HMOX2: variants seen among roughly 807,000 people sequenced by gnomAD.
HMOX2 encodes heme oxygenase 2.
In HMOX2, 30 loss-of-function variants were observed where a neutral mutation model predicts 33.7. The ratio of observed to expected loss-of-function variants is 0.89; its 90% CI spans 0.67 to 1.21. The LOEUF is 1.21. HMOX2 is among the 50% of genes most tolerant of loss of function. The pLI is 0.00. For synonymous variants in HMOX2, 155 were observed against 155.0 expected, an observed-to-expected ratio of 1.00 and a Z score of 0.00; for missense variants, 403 against 399.1, an observed-to-expected ratio of 1.01 and a Z score of -0.08.
chr16:4,484,988 C>T (rs563417865), intron 1 of HMOX2, among the ~76,000 whole-genome samples: 13 of 151,558 alleles, frequency 8.6e-5, no homozygotes, highest in Admixed American at 5.3e-4. Flanking sequence ...TTGATTGAGA[C>T]GGCATCTCAC....
chr16:4,482,022 C>T (rs1272065769), intron 1 of HMOX2: 1 of 152,192 alleles, frequency 6.6e-6, no homozygotes, highest in Admixed American at 6.6e-5. Context: ...AGACATTAAA[C>T]CTTTACTCTC....
intron 1 of HMOX2, among the ~76,000 whole-genome samples, chr16:4,492,680 C>G (rs1005295438): frequency 3.9e-5 from 6 of 151,960 alleles, no homozygotes; most frequent in Admixed American, 3.9e-4. Context: ...GATCACGCCA[C>G]TGCACTCCAG....
intron 1 of HMOX2, among the ~76,000 whole-genome samples, chr16:4,501,129 CT>C (rs1404581964): frequency 9.2e-5 from 14 of 152,090 alleles, no homozygotes; most frequent in Non-Finnish European, 1.2e-4. Context: ...CTCTCGGTTT[CT>C]TTTTTCCCTT....
chr16:4,482,907 G>A (rs370428513), intron 1 of HMOX2, among the ~76,000 whole-genome samples: 1 of 152,058 alleles, frequency 6.6e-6, no homozygotes, highest in African/African-American at 2.4e-5. Context: ...GTGCATGCCT[G>A]TAGTCCCAGC....
In HMOX2 at chr16:4,509,535, A is replaced by G. The variant is rs745759244; in HGVS notation, c.820A>G (p.Lys274Glu). The stretch of plus-strand genomic sequence containing the variant: ...CCCTTTCTACGCTGCTGAACAAGAC[A>G]AAGGTAGGTCTGTGTGTCCTGAGCT... The part of the protein sequence containing the change: ...KCPFYAAEQD[K>E]GALEGSSCPF... Residue 274 changes from lysine (K) to glutamate (E), a missense_variant, in exon 5 of 6, where the codon AAA (lysine) becomes GAA (glutamate). By Grantham distance (56) the Lys-to-Glu change is moderately conservative (BLOSUM62 1). Coordinates refer to ENST00000570646, the MANE Select transcript of HMOX2 (RefSeq NM_002134.4). 1 of 1,614,188 alleles carries G rather than the reference A, an allele frequency of 6.2e-7. No homozygotes were observed. Among genetic ancestry groups the G allele is most frequent in the South Asian group, 1.1e-5 (1 of 91,086 alleles).
Position 4,509,711 on chromosome 16 carries a change from T to C in HMOX2, c.906T>C (p.Ala302=). ...CCAGCCTCCAGTTCATCCTGGCCGC[T>C]GGTGTGGCCCTAGCTGCTGGACTCT... ...RKPSLQFILA[A]GVALAAGLLA... The change falls in exon 6 of 6, where the codon GCT becomes GCC. Residue 302 remains alanine (A), a synonymous_variant. Coordinates refer to ENST00000570646, the MANE Select transcript of HMOX2 (RefSeq NM_002134.4). The C allele has an allele frequency of 1.2e-6, 2 of 1,613,988 alleles. No individual in the cohort carries two copies. The highest frequency in any genetic ancestry group is 2.2e-5 in the South Asian group (2 of 91,066).
chr16:4,496,078 C>T (rs1473208133), intron 1 of HMOX2: 8 of 151,968 alleles, frequency 5.3e-5, no homozygotes, highest in Admixed American at 4.6e-4. Context: ...TCAACTGGGC[C>T]TGAGCACTTA....
intron 1 of HMOX2, chr16:4,502,735 T>G (rs1302172133): frequency 6.6e-6 from 1 of 152,276 alleles, no homozygotes; most frequent in African/African-American, 2.4e-5. Context: ...TTATTTATTT[T>G]TGAGACAGAG....
intron 4 of HMOX2, 85 bp downstream of exon 4, chr16:4,508,289 A>C: frequency 7.0e-7 from 1 of 1,432,142 alleles, no homozygotes; most frequent in Non-Finnish European, 9.5e-7. Context: ...ATGAAGGCAC[A>C]CATGGCATTA....
At chr16:4,506,240 A>C (rs2058689407) in intron 2 of HMOX2, among the ~76,000 whole-genome samples, 1 of 152,208 alleles carries the variant, frequency 6.6e-6, no homozygotes, top group African/African-American at 2.4e-5. Flanking sequence ...GCCCCTGCCC[A>C]AGTACCACCA....
At chr16:4,490,528 A>C (rs1443706637) in intron 1 of HMOX2, among the ~76,000 whole-genome samples, 1 of 152,200 alleles carries the variant, frequency 6.6e-6, no homozygotes, top group African/African-American at 2.4e-5. Flanking sequence ...AGAAGTAATA[A>C]ACACATTTCT....
At chr16:4,491,829 G>A (rs949597089) in intron 1 of HMOX2, among the ~76,000 whole-genome samples, 10 of 151,782 alleles carry the variant, frequency 6.6e-5, no homozygotes, top group Non-Finnish European at 7.4e-5. Flanking sequence ...GACTATAGGC[G>A]CATGCCATCA....
intron 2 of HMOX2, 34 bp from the exon 3 acceptor site, chr16:4,506,861 A>C: frequency 6.8e-7 from 1 of 1,463,122 alleles, no homozygotes; most frequent in African/African-American, 1.4e-5. Flanking sequence ...GGGAAGGGCT[A>C]ATTGACACAC....
chr16:4,507,618 C>A, intron 3 of HMOX2, 95 bp from the exon 4 acceptor site: 1 of 1,334,690 alleles, frequency 7.5e-7, no homozygotes, highest in South Asian at 1.4e-5. Context: ...AGGATTGGGT[C>A]TTTGGGGTTG....
chr16:4,485,873 G>A (rs533017065), intron 1 of HMOX2, among the ~76,000 whole-genome samples: 3 of 152,118 alleles, frequency 2.0e-5, no homozygotes, highest in Non-Finnish European at 4.4e-5. Context: ...TAAGGCACCT[G>A]CCACCACGCC....
intron 4 of HMOX2, among the ~76,000 whole-genome samples, 188 bp from the exon 5 acceptor site, chr16:4,509,224 C>T (rs1045365657): frequency 6.6e-6 from 1 of 152,070 alleles, no homozygotes; most frequent in Non-Finnish European, 1.5e-5. Context: ...TATGGTGGTA[C>T]ACACACGTAG....
At chr16:4,484,118 G>C (rs1016819095) in intron 1 of HMOX2, among the ~76,000 whole-genome samples, 1 of 151,646 alleles carries the variant, frequency 6.6e-6, no homozygotes, top group Non-Finnish European at 1.5e-5. Flanking sequence ...GGGACTACAG[G>C]CTCCCGCCAC....
chr16:4,503,851 T>C (rs2058620551), intron 1 of HMOX2, among the ~76,000 whole-genome samples: 1 of 152,256 alleles, frequency 6.6e-6, no homozygotes, highest in South Asian at 2.1e-4. Flanking sequence ...TTGACACCTG[T>C]TTCTGGGTAG....
At chr16:4,496,689 A>T (rs1038592755) in intron 1 of HMOX2, 2 of 152,124 alleles carry the variant, frequency 1.3e-5, no homozygotes, top group African/African-American at 2.4e-5. Flanking sequence ...GATCTTGCCC[A>T]TGTTAATTCT....
Sources: gnomAD v4.1 joint callset for allele counts (sites outside exome capture counted in the v4.1 genomes callset) on GRCh38, gnomAD v4.1.1 for gene constraint, MANE v1.5 for transcripts, NCBI Gene and HGNC (gene_info 2026-07-23, HGNC 2026-07-21) for gene names.